Variants in RAB38 observed in about 807,000 individuals in gnomAD.
RAB38 encodes ras-related protein Rab-38.
In RAB38, 15 loss-of-function variants were observed where a neutral mutation model predicts 18.4. That is an observed-to-expected ratio of 0.82 (90% CI 0.55 to 1.26). The LOEUF (loss-of-function observed/expected upper bound fraction) is 1.26. Among genes scored for constraint, RAB38 ranks in the 50% most tolerant of loss-of-function variants. RAB38 has a pLI of 0.00. For synonymous variants in RAB38, 101 were observed against 104.4 expected, an observed-to-expected ratio of 0.97 and a Z score of 0.20; for missense variants, 294 against 267.4, an observed-to-expected ratio of 1.10 and a Z score of -0.69.
the RAB38 span, among the ~76,000 whole-genome samples, chr11:87,906,351 T>C: frequency 6.6e-6 from 1 of 151,942 alleles, no homozygotes; most frequent in Admixed American, 6.6e-5. Flanking sequence ...TTGGATGGAG[T>C]AAATGTAGCA....
the RAB38 span, among the ~76,000 whole-genome samples, chr11:87,945,162 G>C: frequency 1.3e-5 from 2 of 152,102 alleles, no homozygotes; most frequent in Non-Finnish European, 2.9e-5. Flanking sequence ...TCTTTCGAGA[G>C]TAGAATTAAG....
the RAB38 span, among the ~76,000 whole-genome samples, chr11:87,820,474 C>G: frequency 6.6e-6 from 1 of 152,286 alleles, no homozygotes; most frequent in African/African-American, 2.4e-5. Context: ...GATTTTCAAT[C>G]TATAATCTCA....
chr11:87,870,932 A>T, the RAB38 span, among the ~76,000 whole-genome samples: 1 of 151,620 alleles, frequency 6.6e-6, no homozygotes, highest in Admixed American at 6.6e-5. Context: ...ATGCAATTGA[A>T]TTTTTTATAT....
the RAB38 span, among the ~76,000 whole-genome samples, chr11:87,938,974 T>C: frequency 6.6e-6 from 1 of 152,114 alleles, no homozygotes; most frequent in African/African-American, 2.4e-5. Context: ...AAGTCCTTCA[T>C]TGTTTTTTTA....
At chr11:87,826,935 T>C in the RAB38 span, among the ~76,000 whole-genome samples, 1 of 152,138 alleles carries the variant, frequency 6.6e-6, no homozygotes, top group African/African-American at 2.4e-5. Flanking sequence ...AAATTATATA[T>C]AGAATAGAAG....
At chr11:87,849,184 G>T in the RAB38 span, among the ~76,000 whole-genome samples, 1 of 152,112 alleles carries the variant, frequency 6.6e-6, no homozygotes, top group Non-Finnish European at 1.5e-5. Context: ...TGCACCACAG[G>T]AAGTGCTATA....
At chr11:88,047,454 G>C in the RAB38 span, among the ~76,000 whole-genome samples, 1 of 152,156 alleles carries the variant, frequency 6.6e-6, no homozygotes, top group African/African-American at 2.4e-5. Context: ...TATCATTGAA[G>C]CTACCACTCT....
chr11:87,872,759 T>C, the RAB38 span, among the ~76,000 whole-genome samples: 28 of 151,754 alleles, frequency 1.8e-4, no homozygotes, highest in African/African-American at 6.5e-4. Context: ...GCATTTAAGG[T>C]TGTTTCACAA....
the RAB38 span, among the ~76,000 whole-genome samples, chr11:87,886,824 GTTTTTT>G: frequency 2.2e-5 from 3 of 139,024 alleles, no homozygotes; most frequent in Admixed American, 1.5e-4. Flanking sequence ...TGAAGCACTT[GTTTTTT>G]TTTTTTTTTT....
intron 1 of RAB38, chr11:88,173,882 G>A (rs1415534353): frequency 1.5e-5 from 15 of 985,260 alleles, no homozygotes; most frequent in Non-Finnish European, 1.8e-5. Context: ...AAAGAGGCAC[G>A]AAAGTCCCCA....
At chr11:88,058,853 T>C in the RAB38 span, among the ~76,000 whole-genome samples, 1 of 152,212 alleles carries the variant, frequency 6.6e-6, no homozygotes, top group African/African-American at 2.4e-5. Context: ...CATTAAATAT[T>C]CACATTTCCT....
At chr11:87,923,801 T>C in the RAB38 span, among the ~76,000 whole-genome samples, 2 of 151,970 alleles carry the variant, frequency 1.3e-5, no homozygotes, top group Non-Finnish European at 1.5e-5. Flanking sequence ...TTAATTCTTA[T>C]GGGAACACTG....
chr11:87,886,861 C>T, the RAB38 span, among the ~76,000 whole-genome samples: 3 of 151,050 alleles, frequency 2.0e-5, no homozygotes, highest in African/African-American at 4.9e-5. Flanking sequence ...GATGCCAGCC[C>T]ATCTTCTGAT....
chr11:87,909,449 CTCTCTG>C, the RAB38 span, among the ~76,000 whole-genome samples: 11 of 152,012 alleles, frequency 7.2e-5, no homozygotes, highest in African/African-American at 2.7e-4. Flanking sequence ...CTTTCTCTCT[CTCTCTG>C]TCTCTCTTTC....
At chr11:87,813,367 G>A in the RAB38 span, among the ~76,000 whole-genome samples, 1 of 152,154 alleles carries the variant, frequency 6.6e-6, no homozygotes, top group Admixed American at 6.5e-5. Flanking sequence ...TCAAGGTTAA[G>A]ATTACTTTCT....
At chr11:87,839,772 G>C in the RAB38 span, among the ~76,000 whole-genome samples, 1 of 152,158 alleles carries the variant, frequency 6.6e-6, no homozygotes, top group Non-Finnish European at 1.5e-5. Flanking sequence ...AAGAAATTTA[G>C]AGAAAATTTC....
At chr11:87,944,757 A>G in the RAB38 span, among the ~76,000 whole-genome samples, 1 of 152,098 alleles carries the variant, frequency 6.6e-6, no homozygotes, top group African/African-American at 2.4e-5. Flanking sequence ...CTTGTGACAT[A>G]TGGGACTTCT....
At chr11:88,174,957 G>A (rs982461165) in intron 1 of RAB38, among the ~76,000 whole-genome samples, 2 of 152,244 alleles carry the variant, frequency 1.3e-5, no homozygotes, top group African/African-American at 4.8e-5. Flanking sequence ...GAGATCCCAG[G>A]GGACTGTGCG....
chr11:87,958,184 A>G, the RAB38 span, among the ~76,000 whole-genome samples: 1 of 152,082 alleles, frequency 6.6e-6, no homozygotes, highest in Admixed American at 6.6e-5. Flanking sequence ...CCAGCACTCT[A>G]TGGGGTTCTA....
Sources: gnomAD v4.1 joint callset for allele counts (sites outside exome capture counted in the v4.1 genomes callset) on GRCh38, gnomAD v4.1.1 for gene constraint, MANE v1.5 for transcripts, NCBI Gene and HGNC (gene_info 2026-07-23, HGNC 2026-07-21) for gene names.